Variants in MAGI2 observed in about 807,000 individuals in gnomAD.
MAGI2 encodes the protein membrane-associated guanylate kinase, WW and PDZ domain-containing protein 2.
In MAGI2, 35 loss-of-function variants were observed where a neutral mutation model predicts 133.3. The observed-to-expected ratio is 0.26, with a 90% CI of 0.20 to 0.35. The LOEUF (loss-of-function observed/expected upper bound fraction) is 0.35. Among genes scored for constraint, MAGI2 ranks in the 10% least tolerant of loss-of-function variants. The probability of loss-of-function intolerance (pLI) is 1.00; values close to 1 mark genes in which losing one functional copy is unlikely to be tolerated. For synonymous variants in MAGI2, 729 were observed against 710.6 expected (o/e 1.03, Z -0.41); for missense variants, 1,636 against 1,863.4 (o/e 0.88, Z 2.25).
chr7:78,343,846 T>G lies in MAGI2; in HGVS notation c.1340A>C (p.Asp447Ala). 1 of 1,613,088 alleles carries G rather than the reference T, an allele frequency of 6.2e-7. No homozygotes were observed. Among genetic ancestry groups the G allele is most frequent in the Non-Finnish European group, 8.5e-7 (1 of 1,179,602 alleles). ...GFTIIGGDEP[D>A]EFLQVKSVIP... ...CACACTTTTCACCTGCAGAAACTCA[T>G]CAGGCTCGTCTCCACCAATGATGGT... The change falls in exon 9 of 22, where the codon GAT (aspartate) becomes GCT (alanine). Residue 447 changes from aspartate (D) to alanine (A), a missense_variant. Around this residue, in one of 5 missense-constraint regions of MAGI2, gnomAD observed 920 missense variants for 1,093.5 expected, o/e 0.84. Coordinates refer to ENST00000354212, the MANE Select transcript of MAGI2 (RefSeq NM_012301.4).
intron 3 of MAGI2, among the ~76,000 whole-genome samples, chr7:78,597,866 TTTTTTC>T (rs1804782667): frequency 9.0e-6 from 1 of 111,376 alleles, no homozygotes; most frequent in Admixed American, 7.4e-5. Context: ...AACTGTTTTT[TTTTTTC>T]CCCATAGAGT....
At chr7:79,318,474 G>A (rs1003677989) in intron 1 of MAGI2, among the ~76,000 whole-genome samples, 4 of 152,160 alleles carry the variant, frequency 2.6e-5, no homozygotes, top group Non-Finnish European at 5.9e-5. Flanking sequence ...GTCTCAAAGT[G>A]AAATAATGGC....
chr7:79,227,369 G>A (rs1018718112), intron 1 of MAGI2, among the ~76,000 whole-genome samples: 1 of 152,156 alleles, frequency 6.6e-6, no homozygotes, highest in South Asian at 2.1e-4. Context: ...CCATGGCAGG[G>A]ACATTTAATG....
intron 1 of MAGI2, among the ~76,000 whole-genome samples, chr7:79,308,362 G>A (rs1254376767): frequency 2.9e-5 from 3 of 102,396 alleles, no homozygotes; most frequent in African/African-American, 1.1e-4. Context: ...AACAGAAGGT[G>A]TATAGCTTCT....
intron 1 of MAGI2, among the ~76,000 whole-genome samples, chr7:79,053,736 T>C (rs1268476575): frequency 6.6e-6 from 1 of 152,190 alleles, no homozygotes; most frequent in Non-Finnish European, 1.5e-5. Context: ...TATCCTGTAT[T>C]AGCAACTACT....
At chr7:78,884,607 A>G (rs1796126919) in intron 2 of MAGI2, among the ~76,000 whole-genome samples, 1 of 152,210 alleles carries the variant, frequency 6.6e-6, no homozygotes, top group African/African-American at 2.4e-5. Flanking sequence ...ATACAAATCA[A>G]AACCACAATG....
chr7:78,831,084 C>T (rs984920690), intron 2 of MAGI2, among the ~76,000 whole-genome samples: 3 of 151,976 alleles, frequency 2.0e-5, no homozygotes, highest in African/African-American at 7.2e-5. Flanking sequence ...ATTTTTTCCC[C>T]AAATTCAGAG....
rs1420700104 is a variant in MAGI2 at position 78,573,064 on chromosome 7, TATATATATATATAC to T, written c.539-51433_539-51420del. 4.1e-3 allele frequency among the ~76,000 whole-genome samples: 395 copies of T among 96,554 alleles called. 5 individuals carry two copies. The highest frequency in any genetic ancestry group is 0.015 in the East Asian group (52 of 3,526). 63.3% of individuals were successfully genotyped at this position (96,554 alleles called of 152,430 possible). The stretch of plus-strand genomic sequence containing the variant: ...ATATATATATATATATATATATATA[TATATATATATATAC>T]ACACACACACACACACGGAGAGATA... On this transcript the variant is annotated intron_variant, in intron 3 of 21. Transcript: ENST00000354212.
At chr7:79,091,188 G>A (rs186163542) in intron 1 of MAGI2, among the ~76,000 whole-genome samples, 4 of 151,970 alleles carry the variant, frequency 2.6e-5, no homozygotes, top group Non-Finnish European at 5.9e-5. Context: ...TGTTGATTAC[G>A]TTGTCTCTCA....
chr7:78,740,799 G>T (rs1440573883), intron 2 of MAGI2, among the ~76,000 whole-genome samples: 2 of 152,158 alleles, frequency 1.3e-5, no homozygotes, highest in Non-Finnish European at 2.9e-5. Context: ...AAGGATATGT[G>T]AAAGCAAACA....
rs77783174 is a variant in MAGI2, at chr7:78,070,192, T to C, written c.3706+8755A>G. Among the ~76,000 whole-genome samples the C allele has an allele frequency of 6.6e-3, 209 of 31,712 alleles. 7 individuals are homozygous for C. Among genetic ancestry groups the C allele is most frequent in the African/African-American group, 0.014 (204 of 14,314 alleles). The allele number at this position is 31,712 out of a possible 152,430, so 20.8% of individuals were successfully genotyped here. ...ACACACACATATATATATATATATA[T>C]ATATATATATATATATATATATATA... On this transcript the variant is annotated intron_variant, in intron 21 of 21. Coordinates refer to ENST00000354212, the MANE Select transcript of MAGI2 (RefSeq NM_012301.4).
chr7:78,269,642 T>C (rs1794368793), intron 9 of MAGI2, among the ~76,000 whole-genome samples: 1 of 152,132 alleles, frequency 6.6e-6, no homozygotes. Context: ...TTGATTTTTC[T>C]TACACATTTG....
intron 1 of MAGI2, among the ~76,000 whole-genome samples, chr7:79,229,764 A>T (rs1020759258): frequency 1.3e-5 from 2 of 152,144 alleles, no homozygotes; most frequent in African/African-American, 2.4e-5. Context: ...TTATTTGAAA[A>T]ATATTCTTTT....
chr7:78,967,953 C>T (rs1033009168), intron 2 of MAGI2, among the ~76,000 whole-genome samples: 3 of 152,062 alleles, frequency 2.0e-5, no homozygotes, highest in Non-Finnish European at 4.4e-5. Flanking sequence ...GCCTCAGCCT[C>T]CCAAGTAGCT....
At chr7:78,384,154 G>C (rs1359002329) in intron 6 of MAGI2, among the ~76,000 whole-genome samples, 1 of 151,968 alleles carries the variant, frequency 6.6e-6, no homozygotes, top group Non-Finnish European at 1.5e-5. Context: ...TTTTGATAGG[G>C]ATTGCCCTGA....
At chr7:79,389,527 TA>T in intron 1 of MAGI2, among the ~76,000 whole-genome samples, 1 of 152,304 alleles carries the variant, frequency 6.6e-6, no homozygotes, top group African/African-American at 2.4e-5. Flanking sequence ...TCATAAGGGA[TA>T]TTTTTAAATA....
At chr7:78,811,469 A>C (rs1244758097) in intron 2 of MAGI2, among the ~76,000 whole-genome samples, 1 of 152,078 alleles carries the variant, frequency 6.6e-6, no homozygotes, top group Non-Finnish European at 1.5e-5. Flanking sequence ...AATTCAAGCA[A>C]ATTTTAATAA....
chr7:79,233,778 C>A, intron 1 of MAGI2, among the ~76,000 whole-genome samples: 2 of 135,454 alleles, frequency 1.5e-5, no homozygotes, highest in African/African-American at 5.6e-5. Flanking sequence ...TTAATTGGAG[C>A]ATTTAGTCCA....
At chr7:78,377,382 G>A (rs890026711) in intron 6 of MAGI2, among the ~76,000 whole-genome samples, 1 of 151,974 alleles carries the variant, frequency 6.6e-6, no homozygotes, top group Admixed American at 6.6e-5. Context: ...TGCTCAGAAA[G>A]GTAAATTCCC....
Sources: gnomAD v4.1 joint callset for allele counts (sites outside exome capture counted in the v4.1 genomes callset) on GRCh38, gnomAD v4.1.1 for gene constraint, gnomAD v4.1.1 regional missense constraint, MANE v1.5 for transcripts, NCBI Gene and HGNC (gene_info 2026-07-23, HGNC 2026-07-21) for gene names.